Variants in WDR72 observed in about 807,000 individuals in gnomAD.
The protein encoded by WDR72 is WD repeat-containing protein 72.
WDR72 carries 120 observed loss-of-function variants against 124.2 expected under a neutral mutation model. The observed-to-expected ratio is 0.97, with a 90% CI of 0.83 to 1.12. The LOEUF (loss-of-function observed/expected upper bound fraction) is 1.12, where lower values mean the gene tolerates loss of function less well. Ranked by LOEUF, WDR72 falls within the 50% of genes most tolerant of loss-of-function variation. WDR72 has a pLI of 0.00. For synonymous variants in WDR72, 452 were observed against 441.7 expected, an observed-to-expected ratio of 1.02 and a Z score of -0.29; for missense variants, 1,387 against 1,278.8, an observed-to-expected ratio of 1.08 and a Z score of -1.29.
intron 14 of WDR72, among the ~76,000 whole-genome samples, chr15:53,624,607 C>T (rs1048133261): frequency 1.3e-5 from 2 of 152,204 alleles, no homozygotes; most frequent in African/African-American, 4.8e-5. Flanking sequence ...TAAATATGGT[C>T]ACCTTATCAA....
intron 16 of WDR72, among the ~76,000 whole-genome samples, chr15:53,611,631 T>C (rs1046792619): frequency 6.6e-6 from 1 of 152,082 alleles, no homozygotes; most frequent in African/African-American, 2.4e-5. Context: ...AGAAGTGGCC[T>C]GACACAGTGG....
At position 53,573,795 on chromosome 15, in the gene WDR72, C is replaced by T. The variant is rs1894652111; in HGVS notation, c.3148+23284G>A. ...TTCTGACCTCAGGTGATCCACTGGC[C>T]TTGGCCTCCCAAAGTGCTGGGATTA... On this transcript the variant is annotated intron_variant, in intron 18 of 19. Transcript: ENST00000360509. 2.0e-5 allele frequency among the ~76,000 whole-genome samples: 3 copies of T among 152,228 alleles called. No homozygotes were observed. The South Asian group carries it at 6.2e-4, about 32-fold the overall frequency.
At chr15:53,716,769 A>ACTGCTGCACTTAAGT in intron 3 of WDR72, 84 bp from the exon 4 acceptor site, 1 of 955,682 alleles carries the variant, frequency 1.0e-6, no homozygotes, top group South Asian at 1.3e-5. Flanking sequence ...GTTTTTCTTT[A>ACTGCTGCACTTAAGT]GCAGCCTGAT....
intron 13 of WDR72, among the ~76,000 whole-genome samples, chr15:53,682,028 A>G (rs993340843): frequency 6.6e-6 from 1 of 152,152 alleles, no homozygotes; most frequent in Non-Finnish European, 1.5e-5. Flanking sequence ...ATTGACAAAA[A>G]CTCTAAATTT....
At chr15:53,667,547 A>T (rs1427852029) in intron 13 of WDR72, among the ~76,000 whole-genome samples, 1 of 152,218 alleles carries the variant, frequency 6.6e-6, no homozygotes. Flanking sequence ...CTCAAGACTG[A>T]CAATAGGAAA....
chr15:53,710,294 A>G (rs1253321510), intron 9 of WDR72, among the ~76,000 whole-genome samples: 2 of 152,186 alleles, frequency 1.3e-5, no homozygotes, highest in Non-Finnish European at 1.5e-5. Context: ...GTTTTGTCAC[A>G]CCATTTATCA....
At chr15:53,760,767 C>T (rs919945922), upstream of WDR72, among the ~76,000 whole-genome samples, 8 of 151,988 alleles carry the variant, frequency 5.3e-5, no homozygotes, top group Non-Finnish European at 7.4e-5. Context: ...AATTATTCTC[C>T]GTAGTGGTGG....
Position 53,527,548 on chromosome 15 carries a change from T to C in WDR72, c.3149-4226A>G, listed in dbSNP as rs184648445. Among the ~76,000 whole-genome samples the C allele has an allele frequency of 4.9e-4, 75 of 152,130 alleles. No individual in the cohort carries two copies. The East Asian group carries it at 0.014, about 28-fold the overall frequency. ...TTTACAGTGTGAATAAAATCTGCAG[T>C]CCTAAATAACATTTTCAATACAATA... On this transcript the variant is annotated intron_variant, in intron 18 of 19. Coordinates refer to ENST00000360509, the MANE Select transcript of WDR72 (RefSeq NM_182758.4).
intron 18 of WDR72, among the ~76,000 whole-genome samples, chr15:53,566,095 A>G (rs760871729): frequency 1.9e-4 from 29 of 151,996 alleles, no homozygotes; most frequent in Non-Finnish European, 7.4e-5. Context: ...CACGTATTAC[A>G]TGTCAGATTT....
At chr15:53,517,883 G>T in intron 19 of WDR72, 129 bp from the exon 20 acceptor site, 2 of 845,138 alleles carry the variant, frequency 2.4e-6, no homozygotes, top group Non-Finnish European at 3.9e-6. Flanking sequence ...GAGAGAATGA[G>T]GAAAAAAAGA....
rs1566935005 is a variant in WDR72 at position 53,515,079 on chromosome 15, G to GTTTATATA, written c.*2619_*2620insTATATAAA. On this transcript the variant is annotated 3_prime_UTR_variant, in exon 20 of 20. Coordinates refer to ENST00000360509, the MANE Select transcript of WDR72 (RefSeq NM_182758.4). Reference sequence around the variant, plus strand: ...TGTATATATATACACACATATATATGTATGTATACACACACACACACACAC... The same window carrying GTTTATATA: ...TGTATATATATACACACATATATATGTTTATATATATGTATACACACACACACACACAC... 3.1e-5 allele frequency: 2 copies of GTTTATATA among 63,500 alleles called. No homozygotes were observed. Among genetic ancestry groups the GTTTATATA allele is most frequent in the South Asian group, 8.7e-4 (1 of 1,144 alleles). The allele number at this position is 63,500 out of a possible 1,614,324, so 3.9% of individuals were successfully genotyped here.
intron 14 of WDR72, among the ~76,000 whole-genome samples, chr15:53,641,975 T>G (rs1485840375): frequency 6.6e-6 from 1 of 151,844 alleles, no homozygotes; most frequent in African/African-American, 2.4e-5. Flanking sequence ...GCTTAAGCTG[T>G]CAGAAAAAAA....
intron 16 of WDR72, among the ~76,000 whole-genome samples, chr15:53,611,879 A>G (rs189975929): frequency 2.2e-4 from 33 of 152,218 alleles, no homozygotes; most frequent in African/African-American, 7.9e-4. Context: ...AGCTAATAAT[A>G]AACTCTCACT....
chr15:53,536,747 A>T (rs1461398065), intron 18 of WDR72, among the ~76,000 whole-genome samples: 3 of 152,198 alleles, frequency 2.0e-5, no homozygotes, highest in Non-Finnish European at 2.9e-5. Context: ...AAACAATGAC[A>T]ATTCACTGAG....
In WDR72 at chr15:53,515,360, C is replaced by A. The variant is rs187272923; in HGVS notation, c.*2339G>T. The A allele has an allele frequency of 1.3e-5, 2 of 152,152 alleles. No individual in the cohort carries two copies. The highest frequency in any genetic ancestry group is 4.8e-5 in the African/African-American group (2 of 41,538). 9.4% of individuals were successfully genotyped at this position (152,152 alleles called of 1,614,324 possible). A position where few individuals can be genotyped will look rare whatever the true frequency, so the allele number is the denominator to read the frequency against. ...CCACGTACGTGGTCTATCCAGTTAA[C>A]TGTGTGGCAATTTGCTATTTCAAGT... On this transcript the variant is annotated 3_prime_UTR_variant, in exon 20 of 20. Coordinates refer to ENST00000360509, the MANE Select transcript of WDR72 (RefSeq NM_182758.4).
At chr15:53,700,235 C>T (rs1022850996) in intron 12 of WDR72, among the ~76,000 whole-genome samples, 3 of 152,076 alleles carry the variant, frequency 2.0e-5, no homozygotes, top group African/African-American at 4.8e-5. Flanking sequence ...ATTCAGGCAG[C>T]GAGGCAGACA....
chr15:53,546,765 G>C (rs1263004034), intron 18 of WDR72, among the ~76,000 whole-genome samples: 1 of 151,842 alleles, frequency 6.6e-6, no homozygotes, highest in African/African-American at 2.4e-5. Context: ...AAGAAGCAAA[G>C]GGAAAATTCA....
At chr15:53,551,222 A>C (rs1482312057) in intron 18 of WDR72, among the ~76,000 whole-genome samples, 1 of 152,098 alleles carries the variant, frequency 6.6e-6, no homozygotes, top group Admixed American at 6.6e-5. Flanking sequence ...GAATACGGGG[A>C]GGTGACTGGC....
chr15:53,596,309 C>A (rs2012770510), intron 18 of WDR72, among the ~76,000 whole-genome samples: 2 of 151,824 alleles, frequency 1.3e-5, no homozygotes, highest in African/African-American at 2.4e-5. Context: ...CTTTTTTTTA[C>A]AGTTTTTAAT....
Sources: allele counts gnomAD v4.1 joint callset (sites outside exome capture counted in the v4.1 genomes callset), GRCh38; gene constraint gnomAD v4.1.1; transcripts MANE v1.5; gene names NCBI Gene and HGNC (gene_info 2026-07-23, HGNC 2026-07-21).